The following USP8 variants were observed in gnomAD, a reference collection of about 807,000 sequenced individuals.
The protein encoded by USP8 is ubiquitin specific peptidase 8.
In USP8, 27 loss-of-function variants were observed where a neutral mutation model predicts 130.0. The observed-to-expected ratio is 0.21, with a 90% CI of 0.15 to 0.29. The LOEUF (loss-of-function observed/expected upper bound fraction) is 0.29, where lower values mean the gene tolerates loss of function less well. Ranked by LOEUF, USP8 falls within the 10% of genes least tolerant of loss-of-function variation. USP8 has a pLI of 1.00. For synonymous variants in USP8, 392 were observed against 444.1 expected (o/e 0.88, Z 1.48); for missense variants, 1,029 against 1,312.2 (o/e 0.78, Z 3.33).
rs1414760762 is a variant in USP8 at position 50,504,832 on chromosome 15, AT to A, written c.*5746del. The A allele has an allele frequency of 1.4e-5, 2 of 145,622 alleles. No individual in the cohort carries two copies. The highest frequency in any genetic ancestry group is 5.1e-5 in the African/African-American group (2 of 39,012). The allele number at this position is 145,622 out of a possible 1,614,324, so 9.0% of individuals were successfully genotyped here. On this transcript the variant is annotated 3_prime_UTR_variant, in exon 20 of 20. Coordinates refer to ENST00000307179, the MANE Select transcript of USP8 (RefSeq NM_005154.5). ...GTCTCTATTAAAAAAAACAAAAAAA[AT>A]TAGCTGGGCCTGGTGGCGTGCACCT...
At chr15:50,474,963 G>C (rs1414558762) in intron 8 of USP8, among the ~76,000 whole-genome samples, 1 of 152,110 alleles carries the variant, frequency 6.6e-6, no homozygotes, top group African/African-American at 2.4e-5. Context: ...ACAAAAATTT[G>C]CCGGGCATGA....
chr15:50,438,908 C>A, intron 1 of USP8, 101 bp from the exon 2 acceptor site: 1 of 498,348 alleles, frequency 2.0e-6, no homozygotes. Flanking sequence ...AAAATTAACC[C>A]TGTTAGCAAA....
rs184907141 is a variant in USP8, at chr15:50,513,882, A to C, written c.*14794A>C. 1 of 152,320 alleles carries C rather than the reference A, an allele frequency of 6.6e-6. No homozygotes were observed. The highest frequency in any genetic ancestry group is 1.9e-4 in the East Asian group (1 of 5,188). The allele number at this position is 152,320 out of a possible 1,614,324, so 9.4% of individuals were successfully genotyped here. A position where few individuals can be genotyped will look rare whatever the true frequency, so the allele number is the denominator to read the frequency against. ...AGCAGTATGTACTAAAGCCAGACAT[A>C]TGCGTATTTCTGAACCAGGAGTTTC... On this transcript the variant is annotated 3_prime_UTR_variant, in exon 20 of 20. Transcript: ENST00000307179.
intron 5 of USP8, among the ~76,000 whole-genome samples, chr15:50,461,644 A>G (rs2051009967): frequency 1.3e-5 from 2 of 152,018 alleles, no homozygotes; most frequent in African/African-American, 2.4e-5. Context: ...CACAAGGTCA[A>G]GAGATCAAGA....
At position 50,449,489 on chromosome 15, in the gene USP8, C is replaced by T. The variant is rs373460543; in HGVS notation, c.335+4C>T. 31 of 1,527,158 alleles carry T rather than the reference C, an allele frequency of 2.0e-5. No homozygotes were observed. The highest frequency in any genetic ancestry group is 2.8e-5 in the African/African-American group (2 of 71,584). The allele number at this position is 1,527,158 out of a possible 1,614,324, so 94.6% of individuals were successfully genotyped here. On this transcript the variant is annotated splice_donor_region_variant and intron_variant, in intron 4 of 19. Transcript: ENST00000307179. ...TCTCTGAAAGCCTTAAATTAAGGTA[C>T]AGATATTATGAAATATTTAAAATAA... is the stretch of plus-strand genomic sequence containing the variant.
At chr15:50,441,198 G>A (rs994225358) in intron 2 of USP8, 151 bp from the exon 3 acceptor site, 11 of 643,318 alleles carry the variant, frequency 1.7e-5, no homozygotes, top group Admixed American at 3.8e-5. Flanking sequence ...TCTGCTGTGC[G>A]TCCTGGTTCA....
intron 11 of USP8, among the ~76,000 whole-genome samples, chr15:50,482,720 T>G (rs926776913): frequency 2.0e-5 from 3 of 152,222 alleles, no homozygotes; most frequent in Non-Finnish European, 4.4e-5. Flanking sequence ...GCCTTTTCCT[T>G]TTGAACACCA....
chr15:50,440,319 A>C lies in USP8; in HGVS notation c.105-1030A>C, dbSNP rs1248488910. On this transcript the variant is annotated intron_variant, in intron 2 of 19. Transcript: ENST00000307179. ...TTACCTCTAGCACTACCCTTATCCC[A>C]GAGGAAGTGGTATATGTAAGTTGGT... Among the ~76,000 whole-genome samples the C allele has an allele frequency of 2.0e-5, 3 of 152,330 alleles. No individual in the cohort carries two copies. In the East Asian group the frequency reaches 5.8e-4, roughly 29 times the overall value.
At chr15:50,469,531 C>CT (rs1238771442) in intron 7 of USP8, among the ~76,000 whole-genome samples, 1 of 152,110 alleles carries the variant, frequency 6.6e-6, no homozygotes, top group Non-Finnish European at 1.5e-5. Context: ...AAGCATCCTT[C>CT]TGATCTGTGT....
intron 1 of USP8, among the ~76,000 whole-genome samples, chr15:50,438,802 A>C (rs2050160798): frequency 6.6e-6 from 1 of 152,202 alleles, no homozygotes; most frequent in African/African-American, 2.4e-5. Flanking sequence ...ACAAAAAGTA[A>C]TTCATTTGGT....
intron 1 of USP8, among the ~76,000 whole-genome samples, chr15:50,430,858 G>C (rs185957951): frequency 1.1e-4 from 17 of 152,312 alleles, no homozygotes; most frequent in African/African-American, 3.6e-4. Flanking sequence ...AGTGGTTCTT[G>C]TTGGGGGTAA....
rs754557553 is a variant in USP8 at position 50,459,125 on chromosome 15, T to C, written c.461T>C (p.Leu154Ser). ...GGTGGCACATTGGCTAAAGGCTCTT[T>C]GGAGAATGTTTTGGATTCCAAAGAC... is the stretch of plus-strand genomic sequence containing the variant. ...EDGGTLAKGS[L>S]ENVLDSKDKT... The change falls in exon 5 of 20, where the codon TTG becomes TCG. Residue 154 changes from leucine to serine, a missense_variant. Leu to Ser is a moderately radical substitution (Grantham distance 145). Transcript: ENST00000307179. 5.6e-6 allele frequency: 9 copies of C among 1,611,658 alleles called. No individual in the cohort carries two copies. In the East Asian group the frequency reaches 2.0e-4, roughly 36 times the overall value.
chr15:50,460,997 C>CT lies in USP8; in HGVS notation c.499-1271dup, dbSNP rs1035103431. Among the ~76,000 whole-genome samples the CT allele has an allele frequency of 5.3e-4, 77 of 144,924 alleles. 1 individual carries two copies. The highest frequency in any genetic ancestry group is 2.2e-3 in the East Asian group (11 of 4,890). On this transcript the variant is annotated intron_variant, in intron 5 of 19. Coordinates refer to ENST00000307179, the MANE Select transcript of USP8 (RefSeq NM_005154.5). Reference sequence around the variant, plus strand: ...CATGGAAAAACCCTGTCTCTACAAACTTTTTTTTTTTTGAGATGCAGTTTC... The same window carrying CT: ...CATGGAAAAACCCTGTCTCTACAAACTTTTTTTTTTTTTGAGATGCAGTTTC...
intron 17 of USP8, among the ~76,000 whole-genome samples, chr15:50,496,615 TTCAGGATTGTTAGTATG>T (rs1259472518): frequency 6.6e-6 from 1 of 152,198 alleles, no homozygotes; most frequent in Non-Finnish European, 1.5e-5. Flanking sequence ...CTTTCAGGAT[TTCAGGATTGTTAGTATG>T]TTTTTAAAAA....
intron 4 of USP8, among the ~76,000 whole-genome samples, chr15:50,450,593 T>C (rs1474170535): frequency 1.3e-5 from 2 of 150,174 alleles, no homozygotes; most frequent in Non-Finnish European, 3.0e-5. Flanking sequence ...TGCCTCAGCC[T>C]CCTGAGTAGC....
intron 3 of USP8, among the ~76,000 whole-genome samples, chr15:50,444,812 G>A (rs576853261): frequency 2.6e-5 from 4 of 152,122 alleles, no homozygotes; most frequent in African/African-American, 4.8e-5. Flanking sequence ...GTTGGAGTGC[G>A]GTGGGCACAG....
intron 4 of USP8, among the ~76,000 whole-genome samples, chr15:50,455,916 C>T (rs1238475520): frequency 6.6e-6 from 1 of 152,168 alleles, no homozygotes; most frequent in Non-Finnish European, 1.5e-5. Context: ...GGAATTTTAG[C>T]TGTTTTCAGC....
Position 50,508,774 on chromosome 15 carries a change from G to C in USP8, c.*9686G>C, listed in dbSNP as rs2052697128. The stretch of plus-strand genomic sequence containing the variant: ...GCACTTTGGGAGGCCAAGGCAGATG[G>C]ATCGCCTGAGTCCAGGAGTTTGAAA... On this transcript the variant is annotated 3_prime_UTR_variant, in exon 20 of 20. Coordinates refer to ENST00000307179, the MANE Select transcript of USP8 (RefSeq NM_005154.5). 6.6e-6 allele frequency: 1 copy of C among 152,086 alleles called. No homozygotes were observed. Among genetic ancestry groups the C allele is most frequent in the South Asian group, 2.1e-4 (1 of 4,822 alleles). 9.4% of individuals were successfully genotyped at this position (152,086 alleles called of 1,614,324 possible).
chr15:50,488,672 C>G (rs1490847365), intron 12 of USP8, among the ~76,000 whole-genome samples: 1 of 145,428 alleles, frequency 6.9e-6, no homozygotes, highest in African/African-American at 2.5e-5. Flanking sequence ...TCAAGCAATT[C>G]TCCTGCCACA....
Sources: gnomAD v4.1 joint callset for allele counts (sites outside exome capture counted in the v4.1 genomes callset) on GRCh38, gnomAD v4.1.1 for gene constraint, MANE v1.5 for transcripts, NCBI Gene and HGNC (gene_info 2026-07-23, HGNC 2026-07-21) for gene names.